Variants in HS3ST4 observed in about 807,000 individuals in gnomAD.
The protein encoded by HS3ST4 is heparan sulfate-glucosamine 3-sulfotransferase 4.
HS3ST4 carries 17 observed loss-of-function variants against 29.2 expected under a neutral mutation model. The ratio of observed to expected loss-of-function variants is 0.58; its 90% confidence interval spans 0.40 to 0.87. The LOEUF (loss-of-function observed/expected upper bound fraction) is 0.87. Among genes scored for constraint, HS3ST4 ranks in the 40% least tolerant of loss-of-function variants. The pLI, the probability that HS3ST4 is intolerant of heterozygous loss-of-function variation, is 0.00. For missense variants in HS3ST4, 627 were observed against 634.5 expected (o/e 0.99, Z 0.13); for synonymous variants, 314 against 285.7 (o/e 1.10, Z -1.00).
intron 1 of HS3ST4, among the ~76,000 whole-genome samples, chr16:26,013,624 A>G (rs566164607): frequency 1.3e-4 from 20 of 152,302 alleles, no homozygotes; most frequent in Admixed American, 2.6e-4. Context: ...TATTTTTTAA[A>G]TATTTCAAAT....
intron 1 of HS3ST4, among the ~76,000 whole-genome samples, chr16:26,122,925 G>A (rs1899294656): frequency 6.6e-6 from 1 of 151,996 alleles, no homozygotes; most frequent in African/African-American, 2.4e-5. Flanking sequence ...GTGGTGGCGG[G>A]CGCTTGTAAT....
intron 1 of HS3ST4, among the ~76,000 whole-genome samples, chr16:26,086,164 C>T (rs886836457): frequency 2.0e-5 from 3 of 152,050 alleles, no homozygotes; most frequent in Non-Finnish European, 2.9e-5. Flanking sequence ...TCAAATGACA[C>T]CTCTCCATTG....
At chr16:25,987,920 G>A (rs1029856971) in intron 1 of HS3ST4, among the ~76,000 whole-genome samples, 7 of 152,050 alleles carry the variant, frequency 4.6e-5, no homozygotes, top group Admixed American at 6.6e-5. Flanking sequence ...ACAGGCATGC[G>A]CCACCATGCC....
At chr16:25,937,361 T>C (rs376497722) in intron 1 of HS3ST4, among the ~76,000 whole-genome samples, 16 of 152,338 alleles carry the variant, frequency 1.1e-4, no homozygotes, top group Admixed American at 7.8e-4. Flanking sequence ...ATAGACTATT[T>C]ATTTTTACAA....
At chr16:25,698,105 AT>A (rs1324640012) in intron 1 of HS3ST4, among the ~76,000 whole-genome samples, 1 of 151,616 alleles carries the variant, frequency 6.6e-6, no homozygotes, top group Non-Finnish European at 1.5e-5. Flanking sequence ...ATTTGAAAAA[AT>A]TTTTTTAAAG....
intron 1 of HS3ST4, among the ~76,000 whole-genome samples, chr16:26,053,630 C>G (rs1031028454): frequency 6.6e-6 from 1 of 152,138 alleles, no homozygotes; most frequent in Non-Finnish European, 1.5e-5. Context: ...TGTTCCTGTG[C>G]ATGACACTGG....
At chr16:26,033,387 A>T (rs1191150172) in intron 1 of HS3ST4, among the ~76,000 whole-genome samples, 5 of 151,716 alleles carry the variant, frequency 3.3e-5, no homozygotes, top group African/African-American at 4.8e-5. Flanking sequence ...TGGTGGTGGA[A>T]GCCTGTAATC....
At chr16:26,114,088 G>C (rs949019139) in intron 1 of HS3ST4, among the ~76,000 whole-genome samples, 1 of 152,160 alleles carries the variant, frequency 6.6e-6, no homozygotes. Flanking sequence ...CATGCAAAAT[G>C]CAAGATATGA....
At chr16:25,841,388 C>T (rs888672280) in intron 1 of HS3ST4, among the ~76,000 whole-genome samples, 1 of 152,100 alleles carries the variant, frequency 6.6e-6, no homozygotes, top group African/African-American at 2.4e-5. Context: ...CAGCCTCAAC[C>T]TCCCCAGGCT....
intron 1 of HS3ST4, chr16:25,886,822 C>T (rs1676790209): frequency 6.6e-6 from 1 of 152,226 alleles, no homozygotes; most frequent in South Asian, 2.1e-4. Flanking sequence ...AGGTGGGAGC[C>T]TGACCCTGGA....
intron 1 of HS3ST4, among the ~76,000 whole-genome samples, chr16:26,101,427 A>G (rs991764224): frequency 3.3e-5 from 5 of 152,194 alleles, no homozygotes; most frequent in African/African-American, 4.8e-5. Flanking sequence ...CTATACCACC[A>G]CATTCCTGCC....
intron 1 of HS3ST4, among the ~76,000 whole-genome samples, chr16:25,982,343 G>T (rs1969015360): frequency 1.3e-5 from 2 of 152,162 alleles, no homozygotes; most frequent in Non-Finnish European, 2.9e-5. Context: ...AAGAAAGTTG[G>T]ACCATGTTTG....
rs1273236180 is a variant in HS3ST4, at chr16:25,829,773, A to G, written c.734+136622A>G. On this transcript the variant is annotated intron_variant, in intron 1 of 1. Coordinates refer to ENST00000331351, the MANE Select transcript of HS3ST4 (RefSeq NM_006040.3). The stretch of plus-strand genomic sequence containing the variant: ...AGCTCATTCTTTTTTATGACTGCAT[A>G]ATATTACATGGTGTAAAATACACTA... 4.6e-5 allele frequency among the ~76,000 whole-genome samples: 7 copies of G among 152,156 alleles called. No individual in the cohort carries two copies. In the East Asian group the frequency reaches 1.3e-3, roughly 29 times the overall value.
intron 1 of HS3ST4, among the ~76,000 whole-genome samples, chr16:25,969,897 C>T (rs1011081818): frequency 6.6e-6 from 1 of 152,144 alleles, no homozygotes; most frequent in African/African-American, 2.4e-5. Context: ...GGTCATGTGC[C>T]CTGAGTTCAG....
At chr16:26,125,671 A>G (rs1321446146) in intron 1 of HS3ST4, among the ~76,000 whole-genome samples, 1 of 152,174 alleles carries the variant, frequency 6.6e-6, no homozygotes, top group African/African-American at 2.4e-5. Context: ...CAAGCCTTCT[A>G]TGTCCTTAGT....
chr16:25,865,068 AT>A (rs1967680921), intron 1 of HS3ST4, among the ~76,000 whole-genome samples: 1 of 152,080 alleles, frequency 6.6e-6, no homozygotes, highest in Non-Finnish European at 1.5e-5. Flanking sequence ...ACTTAGGCTG[AT>A]TTCATATCTT....
intron 1 of HS3ST4, among the ~76,000 whole-genome samples, chr16:25,715,856 C>T (rs918188123): frequency 1.8e-4 from 28 of 152,202 alleles, no homozygotes; most frequent in African/African-American, 6.5e-4. Context: ...CTTGGGGCTT[C>T]CTGAGAAGTC....
rs750662212 is a variant in HS3ST4 at position 26,049,404 on chromosome 16, G to GGTCTACATCCGGAGGTCT, written c.735-86208_735-86207insGTCTACATCCGGAGGTCT. On this transcript the variant is annotated intron_variant, in intron 1 of 1. Transcript: ENST00000331351. The stretch of plus-strand genomic sequence containing the variant: ...CTACATCCGGAGGTCTACATCCGGA[G>GGTCTACATCCGGAGGTCT]AATGATGTGGCTGTGAGTAGATGTG... 7.7e-3 allele frequency among the ~76,000 whole-genome samples: 1,146 copies of GGTCTACATCCGGAGGTCT among 148,158 alleles called. 42 individuals are homozygous for GGTCTACATCCGGAGGTCT. Among genetic ancestry groups the GGTCTACATCCGGAGGTCT allele is most frequent in the African/African-American group, 0.027 (1,080 of 39,692 alleles).
intron 1 of HS3ST4, among the ~76,000 whole-genome samples, chr16:25,717,145 C>G (rs764277869): frequency 1.7e-4 from 26 of 152,086 alleles, no homozygotes; most frequent in Non-Finnish European, 3.2e-4. Flanking sequence ...CCTTGGCTGA[C>G]CTTAGATTTG....
Sources: gnomAD v4.1 joint callset for allele counts (sites outside exome capture counted in the v4.1 genomes callset) on GRCh38, gnomAD v4.1.1 for gene constraint, MANE v1.5 for transcripts, NCBI Gene and HGNC (gene_info 2026-07-23, HGNC 2026-07-21) for gene names.